NCAPD3: variants seen among roughly 807,000 people sequenced by gnomAD.
NCAPD3 encodes non-SMC condensin II complex subunit D3.
In NCAPD3, 105 loss-of-function variants were observed where a neutral mutation model predicts 182.9. The ratio of observed to expected loss-of-function variants is 0.57; its 90% confidence interval spans 0.49 to 0.68. The LOEUF is 0.68. Ranked by LOEUF, NCAPD3 falls within the 30% of genes least tolerant of loss-of-function variation. NCAPD3 has a pLI of 0.00. For synonymous variants in NCAPD3, 815 were observed against 679.9 expected, an observed-to-expected ratio of 1.20 and a Z score of -3.09; for missense variants, 1,944 against 1,837.0, an observed-to-expected ratio of 1.06 and a Z score of -1.07.
rs1217802829 is a variant in NCAPD3, at chr11:134,160,091, A to G, written c.3685-17T>C. 1.2e-6 allele frequency: 2 copies of G among 1,611,336 alleles called. No homozygotes were observed. Among genetic ancestry groups the G allele is most frequent in the Non-Finnish European group, 1.7e-6 (2 of 1,178,484 alleles). ...CATCACCTCCTGAAACAGAGCCAGG[A>G]GCATCCTTTCATGTTTTCTTGAATA... On this transcript the variant is annotated splice_polypyrimidine_tract_variant and intron_variant, in intron 28 of 34. Transcript: ENST00000534548.
intron 16 of NCAPD3, among the ~76,000 whole-genome samples, chr11:134,187,904 T>C (rs1944443744): frequency 6.6e-6 from 1 of 152,180 alleles, no homozygotes; most frequent in African/African-American, 2.4e-5. Context: ...ATAAAATATT[T>C]CCTCTTCCAA....
intron 29 of NCAPD3, among the ~76,000 whole-genome samples, chr11:134,159,342 T>C (rs957545489): frequency 2.0e-5 from 3 of 152,256 alleles, no homozygotes; most frequent in Non-Finnish European, 4.4e-5. Flanking sequence ...TCACGTACTA[T>C]GAGCAAGTCC....
chr11:134,178,570 C>T (rs1944221682), intron 22 of NCAPD3, 64 bp downstream of exon 22: 1 of 1,281,848 alleles, frequency 7.8e-7, no homozygotes, highest in South Asian at 1.6e-5. Flanking sequence ...CATGGCTGGG[C>T]TTACTTAAGA....
intron 16 of NCAPD3, among the ~76,000 whole-genome samples, chr11:134,185,761 TTAAAG>T (rs746401781): frequency 5.9e-5 from 9 of 152,300 alleles, no homozygotes; most frequent in Middle Eastern, 3.4e-3. Flanking sequence ...AAAATATTCC[TTAAAG>T]TAAAGAATAA....
intron 2 of NCAPD3, 50 bp from the exon 3 acceptor site, chr11:134,217,148 C>A (rs746727366): frequency 6.8e-7 from 1 of 1,464,108 alleles, no homozygotes; most frequent in Admixed American, 2.4e-5. Flanking sequence ...GAAATGGAAA[C>A]ATTTCCTATT....
At chr11:134,177,630 G>A (rs1211460746) in intron 22 of NCAPD3, 173 bp from the exon 23 acceptor site, 6 of 602,728 alleles carry the variant, frequency 1.0e-5, no homozygotes, top group East Asian at 5.5e-5. Flanking sequence ...TTGAATAGTC[G>A]AATAAAAATA....
At chr11:134,163,217 G>A (rs1013971261) in intron 27 of NCAPD3, among the ~76,000 whole-genome samples, 6 of 152,098 alleles carry the variant, frequency 3.9e-5, no homozygotes, top group East Asian at 1.9e-4. Flanking sequence ...CACTAGTGAA[G>A]TATAACATAT....
intron 13 of NCAPD3, among the ~76,000 whole-genome samples, chr11:134,198,659 T>G (rs1175477662): frequency 6.6e-6 from 1 of 152,184 alleles, no homozygotes. Flanking sequence ...GAGGAAGAAG[T>G]AGAACTACCT....
intron 27 of NCAPD3, among the ~76,000 whole-genome samples, chr11:134,164,323 G>A (rs632858): frequency 9.1e-4 from 139 of 152,152 alleles, no homozygotes; most frequent in Non-Finnish European, 5.1e-4. Context: ...GATGACTGAG[G>A]GAGTTTTGAC....
Position 134,184,972 on chromosome 11 carries a change from C to G in NCAPD3, c.2266G>C (p.Gly756Arg), listed in dbSNP as rs1944373026. Residue 756 changes from glycine (G) to arginine (R), a missense_variant, in exon 18 of 35, where the codon GGA becomes CGA. Around this residue, in one of 3 missense-constraint regions of NCAPD3, gnomAD observed 1,803 missense variants for 1,674.6 expected, o/e 1.08. Coordinates refer to ENST00000534548, the MANE Select transcript of NCAPD3 (RefSeq NM_015261.3). ...TGCCCAATCACACAGAGAATATGTC[C>G]TAAGGTGTTTGAATTGGGATTCTGC... The part of the protein sequence containing the change: ...SQQNPNSNTL[G>R]HILCVIGHIA... 3 of 1,613,760 alleles carry G rather than the reference C, an allele frequency of 1.9e-6. No homozygotes were observed. The East Asian group carries it at 6.7e-5, about 36-fold the overall frequency.
At chr11:134,167,459 GGC>G (rs1324773584) in intron 27 of NCAPD3, among the ~76,000 whole-genome samples, 2 of 141,652 alleles carry the variant, frequency 1.4e-5, no homozygotes, top group African/African-American at 5.4e-5. Context: ...GCTTAGGGGA[GGC>G]GCACACTCAC....
chr11:134,187,723 C>T (rs1240273057), intron 16 of NCAPD3, among the ~76,000 whole-genome samples: 1 of 152,218 alleles, frequency 6.6e-6, no homozygotes, highest in African/African-American at 2.4e-5. Context: ...AGGTGCCCTT[C>T]CTCTGTTCTC....
intron 13 of NCAPD3, among the ~76,000 whole-genome samples, chr11:134,200,162 A>G (rs1330197131): frequency 6.6e-6 from 1 of 152,226 alleles, no homozygotes; most frequent in Non-Finnish European, 1.5e-5. Flanking sequence ...AAAACACAGG[A>G]GTAAATCTTT....
At chr11:134,208,655 C>T (rs1200501820) in intron 7 of NCAPD3, among the ~76,000 whole-genome samples, 3 of 152,080 alleles carry the variant, frequency 2.0e-5, no homozygotes, top group South Asian at 2.1e-4. Flanking sequence ...TTGCTGCAGC[C>T]ACCAAGTATT....
intron 7 of NCAPD3, among the ~76,000 whole-genome samples, chr11:134,207,742 C>CAAAAAAA (rs34965902): frequency 4.8e-5 from 3 of 62,098 alleles, no homozygotes; most frequent in Admixed American, 2.1e-4. Context: ...GACTGCGTCT[C>CAAAAAAA]AAAAAAAAAA....
upstream of NCAPD3, chr11:134,224,141 G>C (rs759339099): frequency 1.0e-4 from 62 of 610,372 alleles, no homozygotes; most frequent in Non-Finnish European, 1.7e-4. Flanking sequence ...GCCAAACAAG[G>C]CTCCTGCGGG....
At chr11:134,220,286 G>A (rs1158345705) in intron 2 of NCAPD3, among the ~76,000 whole-genome samples, 2 of 150,368 alleles carry the variant, frequency 1.3e-5, no homozygotes, top group Non-Finnish European at 3.0e-5. Flanking sequence ...CTCTCAAAGT[G>A]CTGGGATTAC....
intron 11 of NCAPD3, 49 bp from the exon 12 acceptor site, chr11:134,203,247 G>T: frequency 1.5e-6 from 2 of 1,304,690 alleles, no homozygotes; most frequent in South Asian, 2.5e-5. Flanking sequence ...ATCATAAACT[G>T]AGTAATTATC....
intron 29 of NCAPD3, among the ~76,000 whole-genome samples, chr11:134,159,618 C>A (rs1312721845): frequency 6.6e-6 from 1 of 152,216 alleles, no homozygotes; most frequent in Admixed American, 6.5e-5. Context: ...GACACACTGA[C>A]ACACCCTGGC....
Sources: gnomAD v4.1 joint callset for allele counts (sites outside exome capture counted in the v4.1 genomes callset) on GRCh38, gnomAD v4.1.1 for gene constraint, gnomAD v4.1.1 regional missense constraint, MANE v1.5 for transcripts, NCBI Gene and HGNC (gene_info 2026-07-23, HGNC 2026-07-21) for gene names.